The following MYO1B variants were observed in gnomAD, a reference collection of about 807,000 sequenced individuals.
MYO1B encodes myosin IB.
In MYO1B, 72 loss-of-function variants were observed where a neutral mutation model predicts 159.7. The observed-to-expected ratio is 0.45, with a 90% CI of 0.37 to 0.55. The LOEUF (loss-of-function observed/expected upper bound fraction) is 0.55. Ranked by LOEUF, MYO1B falls within the 20% of genes least tolerant of loss-of-function variation. The pLI is 0.00. For missense variants in MYO1B, 1,062 were observed against 1,364.8 expected (o/e 0.78, Z 3.50); for synonymous variants, 468 against 473.8 (o/e 0.99, Z 0.16).
At chr2:191,348,789 G>C (rs1692732358) in intron 6 of MYO1B, among the ~76,000 whole-genome samples, 1 of 152,150 alleles carries the variant, frequency 6.6e-6, no homozygotes, top group African/African-American at 2.4e-5. Context: ...GCTAGCCAGG[G>C]AAATCTTGTA....
chr2:191,316,021 A>C (rs887579754), intron 3 of MYO1B, among the ~76,000 whole-genome samples: 1 of 152,186 alleles, frequency 6.6e-6, no homozygotes, highest in Non-Finnish European at 1.5e-5. Context: ...GTTTGACTCA[A>C]TTAAAGAGTA....
At chr2:191,301,232 AT>A (rs1689309617) in intron 3 of MYO1B, among the ~76,000 whole-genome samples, 1 of 149,936 alleles carries the variant, frequency 6.7e-6, no homozygotes, top group Non-Finnish European at 1.5e-5. Context: ...TTCTTTGAAA[AT>A]AAGGAAGGTA....
chr2:191,332,221 C>G (rs1484379007), intron 4 of MYO1B, among the ~76,000 whole-genome samples: 1 of 152,138 alleles, frequency 6.6e-6, no homozygotes, highest in Admixed American at 6.5e-5. Flanking sequence ...CCTTGGCCTC[C>G]CAAAGTGCTG....
At chr2:191,415,315 C>T (rs1208433976) in intron 29 of MYO1B, among the ~76,000 whole-genome samples, 1 of 152,170 alleles carries the variant, frequency 6.6e-6, no homozygotes, top group Non-Finnish European at 1.5e-5. Context: ...CAAAAGTTAA[C>T]AAATATTGAT....
intron 1 of MYO1B, among the ~76,000 whole-genome samples, chr2:191,269,539 A>C (rs1012368693): frequency 1.3e-5 from 2 of 152,156 alleles, no homozygotes; most frequent in African/African-American, 4.8e-5. Context: ...TCGGTTACGT[A>C]GGGAGTCTGT....
At chr2:191,377,643 A>G (rs934250698) in intron 13 of MYO1B, 7 of 152,206 alleles carry the variant, frequency 4.6e-5, no homozygotes, top group Admixed American at 3.3e-4. Context: ...CCAGGTATTA[A>G]TTTAATATTT....
intron 1 of MYO1B, among the ~76,000 whole-genome samples, chr2:191,270,695 C>T (rs532360362): frequency 3.9e-5 from 6 of 152,302 alleles, no homozygotes; most frequent in African/African-American, 1.4e-4. Flanking sequence ...TCCTCTTTTG[C>T]CTTTGTTTTG....
intron 1 of MYO1B, among the ~76,000 whole-genome samples, chr2:191,269,498 CT>C (rs1157406285): frequency 6.6e-6 from 1 of 151,960 alleles, no homozygotes; most frequent in East Asian, 1.9e-4. Flanking sequence ...TCTTTCACTT[CT>C]TTTAGGTATA....
chr2:191,278,545 G>A (rs1687877105), intron 2 of MYO1B, among the ~76,000 whole-genome samples: 1 of 152,234 alleles, frequency 6.6e-6, no homozygotes, highest in East Asian at 1.9e-4. Flanking sequence ...GGTGGGGGAA[G>A]GTTGATGGTA....
At chr2:191,336,375 G>A (rs1691842976) in intron 4 of MYO1B, among the ~76,000 whole-genome samples, 1 of 152,152 alleles carries the variant, frequency 6.6e-6, no homozygotes, top group Non-Finnish European at 1.5e-5. Context: ...TCACAGTGTT[G>A]AAAATACCCA....
intron 3 of MYO1B, among the ~76,000 whole-genome samples, chr2:191,324,319 T>A (rs71414928): frequency 6.6e-6 from 1 of 152,132 alleles, no homozygotes; most frequent in South Asian, 2.1e-4. Flanking sequence ...TTTTTCTTTG[T>A]TTTTTGTTTC....
intron 1 of MYO1B, among the ~76,000 whole-genome samples, chr2:191,272,334 T>C (rs546630941): frequency 1.3e-5 from 2 of 152,340 alleles, no homozygotes; most frequent in African/African-American, 4.8e-5. Context: ...AAACTGAATA[T>C]ACTGCCAAGT....
chr2:191,350,147 A>G lies in MYO1B; in HGVS notation c.499-15A>G. Reference sequence around the variant, plus strand: ...TGAGATGAACTAGAAAACTCACAAAATCTTTCTTTGGCAGGGCAAATATAT... The same window carrying G: ...TGAGATGAACTAGAAAACTCACAAAGTCTTTCTTTGGCAGGGCAAATATAT... On this transcript the variant is annotated splice_polypyrimidine_tract_variant and intron_variant, in intron 6 of 30. Transcript: ENST00000392318. 7 of 1,611,502 alleles carry G rather than the reference A, an allele frequency of 4.3e-6. No individual in the cohort carries two copies. The highest frequency in any genetic ancestry group is 5.9e-6 in the Non-Finnish European group (7 of 1,178,120).
intron 20 of MYO1B, 32 bp from the exon 21 acceptor site, chr2:191,396,397 A>C (rs1160896608): frequency 6.2e-7 from 1 of 1,603,006 alleles, no homozygotes; most frequent in South Asian, 1.1e-5. Flanking sequence ...TATTAACTAC[A>C]ACTGCCAATA....
chr2:191,338,785 C>T (rs1448639304), intron 4 of MYO1B, among the ~76,000 whole-genome samples: 1 of 152,118 alleles, frequency 6.6e-6, no homozygotes, highest in East Asian at 1.9e-4. Context: ...ACCAGAATAA[C>T]AAAAGAGCCT....
chr2:191,264,967 A>T (rs1687044262), intron 1 of MYO1B, among the ~76,000 whole-genome samples: 1 of 151,924 alleles, frequency 6.6e-6, no homozygotes, highest in Non-Finnish European at 1.5e-5. Flanking sequence ...TCTCACTGTG[A>T]GCTAGCTGCA....
intron 7 of MYO1B, among the ~76,000 whole-genome samples, chr2:191,355,989 C>T (rs1043313247): frequency 6.6e-6 from 1 of 152,112 alleles, no homozygotes. Flanking sequence ...TGTGTGTGTG[C>T]TGCATTCATG....
rs572498366 is a variant in MYO1B at position 191,416,012 on chromosome 2, C to G, written c.3160-103C>G. 2.3e-5 allele frequency: 29 copies of G among 1,244,922 alleles called. No homozygotes were observed. The South Asian group carries it at 3.8e-4, about 16-fold the overall frequency. The allele number at this position is 1,244,922 out of a possible 1,614,324, so 77.1% of individuals were successfully genotyped here. On this transcript the variant is annotated intron_variant, in intron 29 of 30. Coordinates refer to ENST00000392318, the MANE Select transcript of MYO1B (RefSeq NM_001130158.3). ...ACCTTGGGAGAATGGATTCCAGGAT[C>G]TGATGTTTTAAAGAGACTGTAAGTA...
chr2:191,265,608 G>A (rs533688665), intron 1 of MYO1B, among the ~76,000 whole-genome samples: 1 of 152,144 alleles, frequency 6.6e-6, no homozygotes, highest in African/African-American at 2.4e-5. Flanking sequence ...GGGTGTGCCA[G>A]TTATATTTGA....
Sources: gnomAD v4.1 joint callset for allele counts (sites outside exome capture counted in the v4.1 genomes callset) on GRCh38, gnomAD v4.1.1 for gene constraint, MANE v1.5 for transcripts, NCBI Gene and HGNC (gene_info 2026-07-23, HGNC 2026-07-21) for gene names.